The following PTPRT variants were observed in gnomAD, a reference collection of about 807,000 sequenced individuals.
PTPRT encodes protein tyrosine phosphatase receptor type T, also known as receptor-type tyrosine-protein phosphatase T.
PTPRT carries 56 observed loss-of-function variants against 176.8 expected under a neutral mutation model. That is an observed-to-expected ratio of 0.32 (90% CI 0.26 to 0.40). The LOEUF (loss-of-function observed/expected upper bound fraction) is 0.40. Among genes scored for constraint, PTPRT ranks in the 10% least tolerant of loss-of-function variants. PTPRT has a pLI of 1.00. For missense variants in PTPRT, 1,540 were observed against 1,908.2 expected (o/e 0.81, Z 3.60); for synonymous variants, 783 against 739.0 (o/e 1.06, Z -0.96).
In PTPRT at chr20:42,541,152, A is replaced by G. The variant is rs1374004993; in HGVS notation, c.1154-68590T>C. Among the ~76,000 whole-genome samples, 4 of 152,310 alleles carry G rather than the reference A, an allele frequency of 2.6e-5. No individual in the cohort carries two copies. The East Asian group carries it at 7.7e-4, about 29-fold the overall frequency. ...TTTTAAAAATATAAAAAAATATACAATGTGATGTCAACACCCCATAGGTTA... is the reference window on the plus strand; with the variant it reads ...TTTTAAAAATATAAAAAAATATACAGTGTGATGTCAACACCCCATAGGTTA... On this transcript the variant is annotated intron_variant, in intron 7 of 30. Coordinates refer to ENST00000373187, the MANE Select transcript of PTPRT (RefSeq NM_007050.6).
intron 15 of PTPRT, among the ~76,000 whole-genome samples, chr20:42,212,361 A>G (rs1168006593): frequency 3.4e-5 from 5 of 148,184 alleles, no homozygotes; most frequent in African/African-American, 4.9e-5. Flanking sequence ...GTCACAAAGT[A>G]TAAGTACCAT....
At chr20:42,538,846 C>T (rs532042299) in intron 7 of PTPRT, among the ~76,000 whole-genome samples, 3 of 152,144 alleles carry the variant, frequency 2.0e-5, no homozygotes, top group Admixed American at 1.3e-4. Flanking sequence ...CATTCATACT[C>T]CCACTCATTT....
chr20:42,106,824 C>T lies in PTPRT; in HGVS notation c.3352G>A (p.Glu1118Lys). ...AGGTTGACCCTTTGGGCCCGGAGCT[C>T]ACGCACGCAGTTGAAGATGTCCACC... ...GVVDIFNCVR[E>K]LRAQRVNLVQ... The change falls in exon 24 of 31, where the codon GAG becomes AAG. Residue 1118 changes from glutamate to lysine, a missense_variant. Glu to Lys is a moderately conservative substitution (Grantham distance 56). Coordinates refer to ENST00000373187, the MANE Select transcript of PTPRT (RefSeq NM_007050.6). 1 of 1,614,176 alleles carries T rather than the reference C, an allele frequency of 6.2e-7. No individual in the cohort carries two copies. The highest frequency in any genetic ancestry group is 8.5e-7 in the Non-Finnish European group (1 of 1,180,034).
Position 42,084,702 on chromosome 20 carries a change from T to A in PTPRT, c.4116A>T (p.Gly1372=). 1.9e-6 allele frequency: 3 copies of A among 1,544,792 alleles called. No individual in the cohort carries two copies. The highest frequency in any genetic ancestry group is 2.6e-6 in the Non-Finnish European group (3 of 1,140,152). ...CTCACAGGCAGTGGACCACAGTACG[T>A]CCCTCCCTCCCGTCATACTGCTCCT... ...KWQEQYDGRE[G]RTVVHCLNGG... Residue 1372 remains glycine, a synonymous_variant, in exon 29 of 31, where the codon GGA becomes GGT. Transcript: ENST00000373187.
intron 7 of PTPRT, among the ~76,000 whole-genome samples, chr20:42,535,289 A>G (rs1198812789): frequency 6.6e-6 from 1 of 152,166 alleles, no homozygotes; most frequent in African/African-American, 2.4e-5. Context: ...ATAGGGACAC[A>G]AAGAAAGGAA....
intron 7 of PTPRT, among the ~76,000 whole-genome samples, chr20:42,632,321 C>A (rs2074426769): frequency 1.3e-5 from 2 of 152,188 alleles, no homozygotes; most frequent in Admixed American, 1.3e-4. Flanking sequence ...TCACTGCAAT[C>A]TCTGCCTCCT....
At chr20:42,424,744 T>G (rs1044934325) in intron 9 of PTPRT, among the ~76,000 whole-genome samples, 2 of 151,152 alleles carry the variant, frequency 1.3e-5, no homozygotes, top group Non-Finnish European at 2.9e-5. Context: ...TGGCACATCT[T>G]TTTGTCAGAT....
At chr20:42,114,643 A>C (rs1987180086) in intron 22 of PTPRT, among the ~76,000 whole-genome samples, 1 of 152,080 alleles carries the variant, frequency 6.6e-6, no homozygotes, top group Non-Finnish European at 1.5e-5. Context: ...CTCTCCACCC[A>C]CTAGGTGCCA....
At chr20:42,064,382 C>G in the PTPRT span, among the ~76,000 whole-genome samples, 1 of 152,064 alleles carries the variant, frequency 6.6e-6, no homozygotes, top group Non-Finnish European at 1.5e-5. Flanking sequence ...TCTACTGAAT[C>G]TCTTAGTTTA....
chr20:42,462,602 T>C (rs1188021088), intron 8 of PTPRT, among the ~76,000 whole-genome samples: 1 of 152,068 alleles, frequency 6.6e-6, no homozygotes, highest in Non-Finnish European at 1.5e-5. Flanking sequence ...AGGGAATAAA[T>C]TGAAAAGAGA....
At chr20:42,437,607 C>T (rs1019409813) in intron 9 of PTPRT, among the ~76,000 whole-genome samples, 3 of 152,036 alleles carry the variant, frequency 2.0e-5, no homozygotes, top group African/African-American at 7.3e-5. Flanking sequence ...ATGAGGTAGA[C>T]CAAGATCTCA....
intron 11 of PTPRT, among the ~76,000 whole-genome samples, chr20:42,323,904 T>C (rs1166043012): frequency 1.3e-5 from 2 of 152,126 alleles, no homozygotes. Context: ...ACTGGAACCA[T>C]CATACATTGC....
rs575720804 is a variant in PTPRT, at chr20:43,160,188, C to T, written c.88+29458G>A. The stretch of plus-strand genomic sequence containing the variant: ...GCAGGGAGGTCTCCATGCCAGGAAA[C>T]CCCCACAACGGCTATTTGTTTGGTG... On this transcript the variant is annotated intron_variant, in intron 1 of 30. Transcript: ENST00000373187. Among the ~76,000 whole-genome samples, 20 of 152,176 alleles carry T rather than the reference C, an allele frequency of 1.3e-4. 1 individual carries two copies. In the East Asian group the frequency reaches 3.1e-3, roughly 24 times the overall value.
At chr20:42,157,726 G>A (rs1408142016) in intron 17 of PTPRT, among the ~76,000 whole-genome samples, 1 of 152,136 alleles carries the variant, frequency 6.6e-6, no homozygotes, top group Non-Finnish European at 1.5e-5. Flanking sequence ...CTAGAAAGTG[G>A]GGAGTTTTTA....
At chr20:42,892,794 T>C (rs1308744259) in intron 1 of PTPRT, among the ~76,000 whole-genome samples, 1 of 152,156 alleles carries the variant, frequency 6.6e-6, no homozygotes, top group Non-Finnish European at 1.5e-5. Flanking sequence ...CAACTAAAGC[T>C]CCATAGCAAC....
intron 13 of PTPRT, among the ~76,000 whole-genome samples, chr20:42,274,404 C>A (rs2056990888): frequency 6.6e-6 from 1 of 152,144 alleles, no homozygotes; most frequent in Non-Finnish European, 1.5e-5. Context: ...TTAGCAAAGC[C>A]TAGCCTAGCC....
chr20:42,370,127 C>T (rs543398713), intron 9 of PTPRT, among the ~76,000 whole-genome samples: 2 of 152,306 alleles, frequency 1.3e-5, no homozygotes, highest in African/African-American at 4.8e-5. Context: ...CACACTAACT[C>T]ATATGGGTAT....
At chr20:42,097,109 A>C (rs1035681612) in intron 27 of PTPRT, among the ~76,000 whole-genome samples, 1 of 152,104 alleles carries the variant, frequency 6.6e-6, no homozygotes. Flanking sequence ...TCCCTATTTC[A>C]TACATTGGGC....
At chr20:42,579,150 T>C (rs1408019625) in intron 7 of PTPRT, among the ~76,000 whole-genome samples, 1 of 147,186 alleles carries the variant, frequency 6.8e-6, no homozygotes, top group East Asian at 2.0e-4. Flanking sequence ...TGAGTGAGAA[T>C]ATGCGGTGTT....
Sources: allele counts gnomAD v4.1 joint callset (sites outside exome capture counted in the v4.1 genomes callset), GRCh38; gene constraint gnomAD v4.1.1; transcripts MANE v1.5; gene names NCBI Gene and HGNC (gene_info 2026-07-23, HGNC 2026-07-21).